AP1S2: variants seen among roughly 807,000 people sequenced by gnomAD.
The protein encoded by AP1S2 is adaptor related protein complex 1 subunit sigma 2, also known as AP-1 complex subunit sigma-2.
Under a neutral mutation model 14.3 loss-of-function variants are expected in AP1S2, and 1 was observed. The observed-to-expected ratio is 0.07, with a 90% CI of 0.02 to 0.33. The LOEUF (loss-of-function observed/expected upper bound fraction) is 0.33, where lower values mean the gene tolerates loss of function less well. Among genes scored for constraint, AP1S2 ranks in the 10% least tolerant of loss-of-function variants. The pLI is 0.99. For synonymous variants in AP1S2, 30 were observed against 40.5 expected (o/e 0.74, Z 0.99); for missense variants, 30 against 117.7 (o/e 0.25, Z 3.45).
At chrX:15,834,174 T>C (rs1464921772) in intron 4 of AP1S2, among the ~76,000 whole-genome samples, 1 of 106,225 alleles carries the variant, frequency 9.4e-6, no homozygotes, top group East Asian at 3.0e-4. Context: ...ACTAATTTGC[T>C]CCCCACCAAG....
At chrX:15,834,480 A>ATATATATATATATAT (rs1483118039) in intron 4 of AP1S2, among the ~76,000 whole-genome samples, 98 of 20,280 alleles carry the variant, frequency 4.8e-3, no homozygotes, top group Non-Finnish European at 5.7e-3. Context: ...ATATATATAT[A>ATATATATATATATAT]ATTTTTTTTT....
rs779011616 is a variant in AP1S2, at chrX:15,828,487, A to C, written c.427-287T>G. ...TGATTTAGCATTTATTATTAAACGC[A>C]AGTACTATACACCAATTCTACTTAT... On this transcript the variant is annotated intron_variant, in intron 4 of 5. Coordinates refer to ENST00000672987, the MANE Select transcript of AP1S2 (RefSeq NM_001272071.2). Among the ~76,000 whole-genome samples, 20 of 112,035 alleles carry C rather than the reference A, an allele frequency of 1.8e-4. No individual in the cohort carries two copies. In the South Asian group the frequency reaches 7.3e-3, roughly 41 times the overall value.
intron 4 of AP1S2, chrX:15,832,939 C>G (rs1182614719): frequency 1.8e-6 from 2 of 1,109,149 alleles, no homozygotes; most frequent in African/African-American, 3.8e-5. Flanking sequence ...TGTCAGTACT[C>G]CAGCACGTAT....
At chrX:15,852,772 A>G (rs1230539624) in intron 1 of AP1S2, 1 of 609,063 alleles carries the variant, frequency 1.6e-6, no homozygotes, top group East Asian at 1.7e-4. Flanking sequence ...AGAAAAAAGA[A>G]AAATGGGTAA....
Position 15,826,379 on chromosome X carries a change from G to T in AP1S2, c.*946C>A, listed in dbSNP as rs1476367139. 8.9e-6 allele frequency: 1 copy of T among 112,237 alleles called. No individual in the cohort carries two copies. Among genetic ancestry groups the T allele is most frequent in the Non-Finnish European group, 1.9e-5 (1 of 53,216 alleles). The allele number at this position is 112,237 out of a possible 1,213,427, so 9.2% of individuals were successfully genotyped here. ...ACTAGGCAGTGCCATGGAAAGAAAG[G>T]AAGCTGCTGTAAAGTGTGCAGCACT... On this transcript the variant is annotated 3_prime_UTR_variant, in exon 6 of 6. Transcript: ENST00000672987.
intron 4 of AP1S2, among the ~76,000 whole-genome samples, chrX:15,837,501 A>G (rs912625511): frequency 2.7e-5 from 3 of 110,928 alleles, no homozygotes; most frequent in Admixed American, 9.6e-5. Flanking sequence ...ATAGAGTGAC[A>G]TCCTACAAGC....
chrX:15,854,072 A>T (rs1404095362), intron 1 of AP1S2, among the ~76,000 whole-genome samples: 1 of 112,538 alleles, frequency 8.9e-6, no homozygotes, highest in Non-Finnish European at 1.9e-5. Flanking sequence ...TCCTTAAAAT[A>T]AATTATGTCC....
At chrX:15,841,623 A>G (rs1367834138) in intron 4 of AP1S2, among the ~76,000 whole-genome samples, 1 of 112,133 alleles carries the variant, frequency 8.9e-6, no homozygotes, top group Non-Finnish European at 1.9e-5. Flanking sequence ...CCAACAAGAA[A>G]TAGGTTGAAA....
intron 4 of AP1S2, among the ~76,000 whole-genome samples, chrX:15,838,494 TA>T (rs1211352242): frequency 6.6e-5 from 7 of 106,800 alleles, no homozygotes; most frequent in Non-Finnish European, 3.9e-5. Context: ...ATTTTTTAAT[TA>T]AAAAAAAAAT....
intron 2 of AP1S2, among the ~76,000 whole-genome samples, chrX:15,850,509 G>A (rs946512404): frequency 2.3e-5 from 2 of 87,047 alleles, no homozygotes; most frequent in Admixed American, 1.3e-4. Flanking sequence ...ATGCCACCAC[G>A]CCCAGCTAAT....
chrX:15,829,353 A>G (rs1355580635), intron 4 of AP1S2, among the ~76,000 whole-genome samples: 4 of 111,802 alleles, frequency 3.6e-5, no homozygotes, highest in Non-Finnish European at 7.5e-5. Flanking sequence ...TGTAATGTTA[A>G]GTAGTTTAAA....
intron 4 of AP1S2, 93 bp downstream of exon 4, chrX:15,845,286 A>G (rs1385650252): frequency 8.4e-7 from 1 of 1,184,723 alleles, no homozygotes; most frequent in Non-Finnish European, 1.1e-6. Flanking sequence ...AGCATGCTTC[A>G]GAGTACTTTC....
chrX:15,839,192 C>T (rs896883290), intron 4 of AP1S2, among the ~76,000 whole-genome samples: 4 of 111,651 alleles, frequency 3.6e-5, no homozygotes, highest in African/African-American at 1.3e-4. Context: ...TTAAGTTTAC[C>T]TATAAAAAAA....
intron 4 of AP1S2, among the ~76,000 whole-genome samples, chrX:15,834,481 A>ATATATATATATATATATATT (rs1569080380): frequency 7.7e-5 from 1 of 13,012 alleles, no homozygotes; most frequent in African/African-American, 4.2e-4. Flanking sequence ...TATATATATA[A>ATATATATATATATATATATT]TTTTTTTTTT....
In AP1S2 at chrX:15,845,896, T is replaced by C. The variant is rs1157770619; in HGVS notation, c.288+7A>G. On this transcript the variant is annotated splice_region_variant and intron_variant, in intron 3 of 5. Coordinates refer to ENST00000672987, the MANE Select transcript of AP1S2 (RefSeq NM_001272071.2). ...CATTCAATTTCCTAAAATAAAATAC[T>C]ACTCACACTGCCGAAATACTTGTCA... The C allele has an allele frequency of 8.5e-7, 1 of 1,174,514 alleles. No homozygotes were observed. The highest frequency in any genetic ancestry group is 1.8e-5 in the African/African-American group (1 of 56,510).
intron 2 of AP1S2, among the ~76,000 whole-genome samples, chrX:15,849,276 A>G (rs1282372102): frequency 8.9e-6 from 1 of 112,667 alleles, no homozygotes; most frequent in Non-Finnish European, 1.9e-5. Context: ...TAGATGAGAT[A>G]ATTTAACAAA....
At chrX:15,828,503 T>G (rs894420706) in intron 4 of AP1S2, among the ~76,000 whole-genome samples, 3 of 111,930 alleles carry the variant, frequency 2.7e-5, no homozygotes, top group African/African-American at 9.7e-5. Flanking sequence ...TATACACCAA[T>G]TCTACTTATA....
intron 4 of AP1S2, chrX:15,830,938 CTGAA>C (rs1315301776): frequency 1.6e-6 from 1 of 621,080 alleles, no homozygotes; most frequent in Non-Finnish European, 1.9e-6. Flanking sequence ...TTTCTTAATA[CTGAA>C]TGTTTTAACC....
chrX:15,834,439 A>AATATATATATATATATAT (rs1161066866), intron 4 of AP1S2, among the ~76,000 whole-genome samples: 34 of 25,102 alleles, frequency 1.4e-3, no homozygotes, highest in Non-Finnish European at 1.5e-3. Context: ...TCCCTTCCAA[A>AATATATATATATATATAT]ATATATATAT....
Sources: allele counts gnomAD v4.1 joint callset (sites outside exome capture counted in the v4.1 genomes callset), GRCh38; gene constraint gnomAD v4.1.1; transcripts MANE v1.5; gene names NCBI Gene and HGNC (gene_info 2026-07-23, HGNC 2026-07-21).